The following RAB3C variants were observed in gnomAD, a reference collection of about 807,000 sequenced individuals.
The protein encoded by RAB3C is ras-related protein Rab-3C.
RAB3C carries 17 observed loss-of-function variants against 26.4 expected under a neutral mutation model. That is an observed-to-expected ratio of 0.64 (90% CI 0.44 to 0.97). RAB3C has a LOEUF of 0.97. RAB3C is among the 50% of genes least tolerant of loss of function. The pLI is 0.00. For missense variants in RAB3C, 242 were observed against 281.9 expected (o/e 0.86, Z 1.01); for synonymous variants, 91 against 95.9 (o/e 0.95, Z 0.30).
intron 2 of RAB3C, among the ~76,000 whole-genome samples, chr5:58,665,640 C>G (rs531265561): frequency 2.8e-4 from 42 of 152,224 alleles, no homozygotes; most frequent in Non-Finnish European, 5.0e-4. Context: ...TTCATTAACT[C>G]CTTGATGGAC....
intron 2 of RAB3C, among the ~76,000 whole-genome samples, chr5:58,677,330 G>A (rs1748250318): frequency 6.6e-6 from 1 of 152,060 alleles, no homozygotes; most frequent in African/African-American, 2.4e-5. Flanking sequence ...TCGGGGAGTG[G>A]GCACAAGACA....
chr5:58,620,787 A>T (rs1000139477), intron 2 of RAB3C, among the ~76,000 whole-genome samples: 6 of 151,892 alleles, frequency 4.0e-5, no homozygotes, highest in African/African-American at 1.5e-4. Flanking sequence ...TGTGGTGGTT[A>T]TTTTTTTTGA....
intron 3 of RAB3C, among the ~76,000 whole-genome samples, chr5:58,735,854 A>C (rs537648428): frequency 6.6e-6 from 1 of 152,302 alleles, no homozygotes; most frequent in African/African-American, 2.4e-5. Context: ...GCAGACTGCC[A>C]GATTGTTATA....
intron 2 of RAB3C, among the ~76,000 whole-genome samples, chr5:58,683,390 T>G (rs1028352292): frequency 1.3e-5 from 2 of 152,250 alleles, no homozygotes; most frequent in Non-Finnish European, 2.9e-5. Flanking sequence ...TTCATATACT[T>G]TGTAAACCAC....
At chr5:58,673,407 G>C (rs1748161327) in intron 2 of RAB3C, among the ~76,000 whole-genome samples, 1 of 151,856 alleles carries the variant, frequency 6.6e-6, no homozygotes, top group Non-Finnish European at 1.5e-5. Flanking sequence ...TAGGGGGAAA[G>C]TGGGGAGCGG....
chr5:58,685,906 A>G (rs1310677139), intron 2 of RAB3C, among the ~76,000 whole-genome samples: 1 of 152,218 alleles, frequency 6.6e-6, no homozygotes, highest in Non-Finnish European at 1.5e-5. Flanking sequence ...ATATGGCAGT[A>G]GCATAGAATA....
intron 2 of RAB3C, among the ~76,000 whole-genome samples, chr5:58,660,062 C>T (rs1399795695): frequency 1.3e-5 from 2 of 148,926 alleles, no homozygotes; most frequent in Admixed American, 1.3e-4. Context: ...GCCTCGGCCT[C>T]CCAAAGTGCT....
At position 58,625,601 on chromosome 5, in the gene RAB3C, G is replaced by A. The variant is rs150636223; in HGVS notation, c.252+7731G>A. Among the ~76,000 whole-genome samples, 72 of 152,244 alleles carry A rather than the reference G, an allele frequency of 4.7e-4. 1 individual carries two copies. The East Asian group carries it at 0.012, about 25-fold the overall frequency. On this transcript the variant is annotated intron_variant, in intron 2 of 4. Coordinates refer to ENST00000282878, the MANE Select transcript of RAB3C (RefSeq NM_138453.4). ...CGGCCGGGCACTGTGGCTTATGCCT[G>A]TAATCCCAGCACTTTGGGAGGCCGA...
In RAB3C at chr5:58,852,365, C is replaced by G. The variant is rs1229355324; in HGVS notation, c.*1014C>G. On this transcript the variant is annotated 3_prime_UTR_variant, in exon 5 of 5. Transcript: ENST00000282878. Reference sequence around the variant, plus strand: ...TCCGTAGGATGTAGACTTGCCTCCCCAAACACGGCCATCTTCTCAAACCTC... The same window carrying G: ...TCCGTAGGATGTAGACTTGCCTCCCGAAACACGGCCATCTTCTCAAACCTC... The G allele has an allele frequency of 6.6e-6, 1 of 152,188 alleles. No homozygotes were observed. The highest frequency in any genetic ancestry group is 6.5e-5 in the Admixed American group (1 of 15,268). The allele number at this position is 152,188 out of a possible 1,614,324, so 9.4% of individuals were successfully genotyped here.
intron 1 of RAB3C, among the ~76,000 whole-genome samples, chr5:58,595,063 C>T (rs540156020): frequency 1.5e-3 from 227 of 151,992 alleles, no homozygotes; most frequent in African/African-American, 5.2e-3. Context: ...TCTAATGGAG[C>T]GAGGGGGAAG....
At chr5:58,695,670 A>G (rs547562518) in intron 2 of RAB3C, among the ~76,000 whole-genome samples, 3 of 152,112 alleles carry the variant, frequency 2.0e-5, no homozygotes, top group South Asian at 4.2e-4. Context: ...TAGGTATTTT[A>G]TTCTCTTTGT....
chr5:58,837,852 C>T (rs879451494), intron 4 of RAB3C, among the ~76,000 whole-genome samples: 10 of 152,144 alleles, frequency 6.6e-5, no homozygotes, highest in African/African-American at 2.2e-4. Context: ...AGTGACCACA[C>T]CCAGCCTTGG....
intron 2 of RAB3C, among the ~76,000 whole-genome samples, chr5:58,661,127 C>T (rs1432862752): frequency 1.3e-5 from 2 of 149,700 alleles, no homozygotes; most frequent in Admixed American, 1.3e-4. Flanking sequence ...TCATTTCTTT[C>T]AGGAAATAAA....
At chr5:58,793,280 C>T (rs1441884536) in intron 3 of RAB3C, among the ~76,000 whole-genome samples, 5 of 152,228 alleles carry the variant, frequency 3.3e-5, no homozygotes, top group South Asian at 4.1e-4. Flanking sequence ...AATTCCTGGC[C>T]GGGCGCGGTG....
chr5:58,710,092 T>A (rs566814640), intron 2 of RAB3C, among the ~76,000 whole-genome samples: 8 of 152,320 alleles, frequency 5.3e-5, no homozygotes, highest in Middle Eastern at 6.8e-3. Context: ...TAATATTTTT[T>A]ACCAAGTTAA....
intron 3 of RAB3C, chr5:58,741,995 C>T (rs1276456341): frequency 1.3e-5 from 2 of 148,816 alleles, no homozygotes; most frequent in African/African-American, 2.5e-5. Flanking sequence ...CACAGCGAGA[C>T]TCCGTCTAAA....
intron 2 of RAB3C, among the ~76,000 whole-genome samples, chr5:58,639,093 A>AT (rs1747354351): frequency 6.6e-6 from 1 of 152,230 alleles, no homozygotes; most frequent in Admixed American, 6.5e-5. Context: ...GAGCCAGGAG[A>AT]TAAGTTATTG....
At chr5:58,836,005 A>AAATAATAG (rs1480126782) in intron 4 of RAB3C, among the ~76,000 whole-genome samples, 1 of 152,236 alleles carries the variant, frequency 6.6e-6, no homozygotes, top group Non-Finnish European at 1.5e-5. Flanking sequence ...GGCGGGGAAC[A>AAATAATAG]GTAGAGAAAC....
intron 3 of RAB3C, among the ~76,000 whole-genome samples, chr5:58,797,001 A>ACACACACACC (rs1742671306): frequency 6.6e-6 from 1 of 151,582 alleles, no homozygotes; most frequent in Admixed American, 6.6e-5. Flanking sequence ...ACACACAGAC[A>ACACACACACC]CACACACACA....
Sources: gnomAD v4.1 joint callset for allele counts (sites outside exome capture counted in the v4.1 genomes callset) on GRCh38, gnomAD v4.1.1 for gene constraint, MANE v1.5 for transcripts, NCBI Gene and HGNC (gene_info 2026-07-23, HGNC 2026-07-21) for gene names.